KIF26B: variants seen among roughly 807,000 people sequenced by gnomAD.
The protein encoded by KIF26B is kinesin family member 26B, also known as kinesin-like protein KIF26B.
A neutral mutation model predicts 151.2 loss-of-function variants in KIF26B; 63 were observed. The ratio of observed to expected loss-of-function variants is 0.42; its 90% CI spans 0.34 to 0.51. The LOEUF (loss-of-function observed/expected upper bound fraction) is 0.51. Ranked by LOEUF, KIF26B falls within the 20% of genes least tolerant of loss-of-function variation. The pLI is 0.07. For missense variants in KIF26B, 2,813 were observed against 2,913.6 expected (o/e 0.97, Z 0.79); for synonymous variants, 1,357 against 1,262.1 (o/e 1.08, Z -1.59).
rs544697153 is a variant in KIF26B, at chr1:245,594,273, T to C, written c.1351-8304T>C. Among the ~76,000 whole-genome samples the C allele has an allele frequency of 7.9e-5, 12 of 152,328 alleles. No homozygotes were observed. The South Asian group carries it at 2.5e-3, about 32-fold the overall frequency. ...TATGTCCTGAATGGTATTGCCTAGA[T>C]TTTTGTCTAGGGTGTTTTATGGTTT... On this transcript the variant is annotated intron_variant, in intron 5 of 14. Transcript: ENST00000407071.
At chr1:245,548,692 T>C (rs1003287311) in intron 5 of KIF26B, among the ~76,000 whole-genome samples, 1 of 151,866 alleles carries the variant, frequency 6.6e-6, no homozygotes, top group African/African-American at 2.4e-5. Context: ...TGTGGAAAAC[T>C]GTTAATCAGA....
intron 10 of KIF26B, among the ~76,000 whole-genome samples, chr1:245,666,742 GGTACGGACAA>G (rs1354766412): frequency 6.6e-6 from 1 of 151,840 alleles, no homozygotes; most frequent in Non-Finnish European, 1.5e-5. Flanking sequence ...CGTACCAAAT[GGTACGGACAA>G]GTTAAAAGGG....
intron 5 of KIF26B, among the ~76,000 whole-genome samples, chr1:245,568,455 AGCTATGATCATATCCCT>A (rs1309324180): frequency 6.6e-6 from 1 of 151,930 alleles, no homozygotes; most frequent in Non-Finnish European, 1.5e-5. Flanking sequence ...GGCTGCAGTG[AGCTATGATCATATCCCT>A]GCCCTTCAGC....
intron 6 of KIF26B, among the ~76,000 whole-genome samples, chr1:245,607,157 C>T (rs965095312): frequency 1.3e-5 from 2 of 151,640 alleles, no homozygotes; most frequent in African/African-American, 4.8e-5. Flanking sequence ...TCACAAACCT[C>T]TTGCTTACGT....
intron 6 of KIF26B, among the ~76,000 whole-genome samples, chr1:245,605,649 T>C (rs1372999702): frequency 6.6e-6 from 1 of 152,154 alleles, no homozygotes; most frequent in Non-Finnish European, 1.5e-5. Context: ...CCTGCAGACC[T>C]GGCCCTTCCC....
At chr1:245,700,371 T>C (rs1330755248) in intron 14 of KIF26B, among the ~76,000 whole-genome samples, 3 of 152,090 alleles carry the variant, frequency 2.0e-5, no homozygotes, top group South Asian at 4.2e-4. Context: ...TAGTAATTAT[T>C]ACTATTATCC....
At position 245,636,575 on chromosome 1, in the gene KIF26B, T is replaced by C. The variant is rs1229825217; in HGVS notation, c.2099-9546T>C. Among the ~76,000 whole-genome samples the C allele has an allele frequency of 5.9e-5, 9 of 152,200 alleles. No homozygotes were observed. In the East Asian group the frequency reaches 1.5e-3, roughly 26 times the overall value. On this transcript the variant is annotated intron_variant, in intron 9 of 14. Transcript: ENST00000407071. Reference sequence around the variant, plus strand: ...ATTAACTATAGTTCTTCTACTGTACTATTGAATACTAAAACTCATTCCTTT... The same window carrying C: ...ATTAACTATAGTTCTTCTACTGTACCATTGAATACTAAAACTCATTCCTTT...
At chr1:245,265,253 A>C (rs1435973354) in intron 2 of KIF26B, among the ~76,000 whole-genome samples, 1 of 151,956 alleles carries the variant, frequency 6.6e-6, no homozygotes, top group Non-Finnish European at 1.5e-5. Flanking sequence ...CTTATTATGA[A>C]GCAATAAATA....
At chr1:245,440,030 G>C (rs567295631) in intron 4 of KIF26B, among the ~76,000 whole-genome samples, 14 of 152,224 alleles carry the variant, frequency 9.2e-5, no homozygotes, top group Non-Finnish European at 1.8e-4. Context: ...GACCATCCTG[G>C]CTAACACGGT....
intron 4 of KIF26B, among the ~76,000 whole-genome samples, chr1:245,434,249 C>T (rs1479436043): frequency 6.6e-6 from 1 of 152,148 alleles, no homozygotes; most frequent in Non-Finnish European, 1.5e-5. Flanking sequence ...ATACTCTTAC[C>T]ACCTAAAAGT....
In KIF26B at chr1:245,156,349, C is replaced by G; in HGVS notation, c.131C>G (p.Ala44Gly). 2 of 1,546,334 alleles carry G rather than the reference C, an allele frequency of 1.3e-6. No individual in the cohort carries two copies. The highest frequency in any genetic ancestry group is 1.7e-6 in the Non-Finnish European group (2 of 1,145,412). ...PFSPESWYRK[A>G]YEESRAGSRP... ...TCCCCGGAAAGCTGGTACCGGAAAG[C>G]ATACGAGGAGTCGCGCGCCGGCAGC... The change falls in exon 2 of 15, where the codon GCA becomes GGA. Residue 44 changes from alanine (A) to glycine (G), a missense_variant. Coordinates refer to ENST00000407071, the MANE Select transcript of KIF26B (RefSeq NM_018012.4).
intron 7 of KIF26B, among the ~76,000 whole-genome samples, chr1:245,608,405 T>C (rs1459408461): frequency 6.6e-6 from 1 of 152,222 alleles, no homozygotes; most frequent in African/African-American, 2.4e-5. Context: ...GAGGCCTTGC[T>C]GGAGCTCACA....
Position 245,155,015 on chromosome 1 carries a change from C to T in KIF26B, c.-410C>T. The T allele has an allele frequency of 2.3e-6, 1 of 433,958 alleles. No homozygotes were observed. Among genetic ancestry groups the T allele is most frequent in the East Asian group, 3.5e-5 (1 of 28,236 alleles). The allele number at this position is 433,958 out of a possible 1,614,324, so 26.9% of individuals were successfully genotyped here. On this transcript the variant is annotated 5_prime_UTR_variant, in exon 1 of 15. Coordinates refer to ENST00000407071, the MANE Select transcript of KIF26B (RefSeq NM_018012.4). ...CCAAGCTCGGTGAAGGAGACAAGTT[C>T]CCACAGCTGACTCGGCTCGGCTCTC...
intron 10 of KIF26B, among the ~76,000 whole-genome samples, chr1:245,661,580 AC>A (rs1558256712): frequency 6.6e-6 from 1 of 150,984 alleles, no homozygotes; most frequent in Non-Finnish European, 1.5e-5. Flanking sequence ...ATATATACAC[AC>A]CCCCAATATA....
At chr1:245,419,188 C>T (rs1403355590) in intron 3 of KIF26B, among the ~76,000 whole-genome samples, 1 of 152,066 alleles carries the variant, frequency 6.6e-6, no homozygotes, top group East Asian at 1.9e-4. Context: ...ATGCCTTTGC[C>T]CCACTGCTCC....
chr1:245,155,604 C>G (rs547670829), intron 1 of KIF26B, 117 bp downstream of exon 1: 2 of 886,050 alleles, frequency 2.3e-6, no homozygotes, highest in South Asian at 3.6e-5. Flanking sequence ...CAGAGGCGCC[C>G]CCGGGGCTGG....
At position 245,375,541 on chromosome 1, in the gene KIF26B, C is replaced by T. The variant is rs1006449102; in HGVS notation, c.999+8174C>T. 6.6e-6 allele frequency among the ~76,000 whole-genome samples: 1 copy of T among 152,088 alleles called. No individual in the cohort carries two copies. Among genetic ancestry groups the T allele is most frequent in the African/African-American group, 2.4e-5 (1 of 41,414 alleles). On this transcript the variant is annotated intron_variant, in intron 3 of 14. Transcript: ENST00000407071. The surrounding 1 kb of genome is among the most constrained non-coding windows in gnomAD (Gnocchi z 4.2). ...TTGGCTTTGATGATGGAAGAAGGAA[C>T]CTCTAGAAGCTGAGGACGGCAAGGG...
At chr1:245,562,932 G>A (rs1047777990) in intron 5 of KIF26B, among the ~76,000 whole-genome samples, 3 of 151,968 alleles carry the variant, frequency 2.0e-5, no homozygotes, top group African/African-American at 7.2e-5. Flanking sequence ...GGCTGGTCTC[G>A]AACTCCTGGC....
At chr1:245,508,784 G>A (rs1041588289) in intron 4 of KIF26B, among the ~76,000 whole-genome samples, 1 of 152,060 alleles carries the variant, frequency 6.6e-6, no homozygotes, top group Non-Finnish European at 1.5e-5. Flanking sequence ...CAAATGTATC[G>A]GTTTATCAAA....
Sources: gnomAD v4.1 joint callset for allele counts (sites outside exome capture counted in the v4.1 genomes callset) on GRCh38, gnomAD v4.1.1 for gene constraint, Gnocchi (gnomAD v3.1) non-coding constraint, MANE v1.5 for transcripts, NCBI Gene and HGNC (gene_info 2026-07-23, HGNC 2026-07-21) for gene names.